IPO9: variants seen among roughly 807,000 people sequenced by gnomAD.
IPO9 encodes the protein importin-9.
A neutral mutation model predicts 128.6 loss-of-function variants in IPO9; 28 were observed. That is an observed-to-expected ratio of 0.22 (90% CI 0.16 to 0.30). The LOEUF is 0.30. IPO9 is among the 10% of genes least tolerant of loss of function. IPO9 has a pLI of 1.00. For missense variants in IPO9, 935 were observed against 1,293.9 expected, an observed-to-expected ratio of 0.72 and a Z score of 4.26; for synonymous variants, 455 against 475.8, an observed-to-expected ratio of 0.96 and a Z score of 0.57.
intron 1 of IPO9, among the ~76,000 whole-genome samples, chr1:201,843,325 C>T (rs562588970): frequency 6.6e-6 from 1 of 152,302 alleles, no homozygotes; most frequent in South Asian, 2.1e-4. Context: ...AGGAATCATT[C>T]CTGCTTCCAG....
intron 18 of IPO9, 43 bp from the exon 19 acceptor site, chr1:201,871,118 T>C (rs368466499): frequency 6.3e-7 from 1 of 1,595,104 alleles, no homozygotes; most frequent in Non-Finnish European, 8.6e-7. Context: ...CCTATGTCTC[T>C]GAAATTGATT....
chr1:201,869,515 C>T, intron 16 of IPO9, 75 bp from the exon 17 acceptor site: 6 of 1,561,156 alleles, frequency 3.8e-6, no homozygotes, highest in Non-Finnish European at 4.3e-6. Flanking sequence ...AATACCCATC[C>T]AGTAAGGATC....
intron 1 of IPO9, among the ~76,000 whole-genome samples, chr1:201,831,837 C>T (rs907830969): frequency 2.6e-5 from 4 of 152,196 alleles, no homozygotes; most frequent in African/African-American, 7.2e-5. Flanking sequence ...TTCTTGCAAA[C>T]TACTTTCCAC....
Position 201,870,783 on chromosome 1 carries a change from C to T in IPO9, c.2334C>T (p.Leu778=), listed in dbSNP as rs776549234. The part of the protein sequence containing the change: ...STLISKAGRE[L]GENLDQILRA... ...TCATCTCCAAGGCAGGGCGGGAACT[C>T]GGGGAGAATCTAGACCAGATTCTTC... The change falls in exon 18 of 24, where the codon CTC becomes CTT. Residue 778 remains leucine (L), a synonymous_variant. Coordinates refer to ENST00000361565, the MANE Select transcript of IPO9 (RefSeq NM_018085.5). This position sits in a 1 kb window ranked among gnomAD's most constrained non-coding sequence, Gnocchi z 4.9. 17 of 1,613,910 alleles carry T rather than the reference C, an allele frequency of 1.1e-5. No individual in the cohort carries two copies. The highest frequency in any genetic ancestry group is 6.7e-5 in the Admixed American group (4 of 59,988).
chr1:201,869,461 G>T, intron 16 of IPO9, 129 bp from the exon 17 acceptor site: 1 of 1,091,832 alleles, frequency 9.2e-7, no homozygotes, highest in African/African-American at 1.6e-5. Flanking sequence ...CTTTTATTTT[G>T]GAAACTTGCC....
intron 1 of IPO9, among the ~76,000 whole-genome samples, chr1:201,845,031 G>GC (rs1558217373): frequency 6.6e-6 from 1 of 151,144 alleles, no homozygotes; most frequent in African/African-American, 2.4e-5. Context: ...TGGGAGGGGG[G>GC]GGCGTACAGA....
chr1:201,870,976 A>G lies in IPO9; in HGVS notation c.2409+118A>G. On this transcript the variant is annotated intron_variant, in intron 18 of 23. Transcript: ENST00000361565. The surrounding 1 kb of genome is among the most constrained non-coding windows in gnomAD (Gnocchi z 4.9). Reference sequence around the variant, plus strand: ...TACTAGCCTTGTAGGACAGTTAAGTAAAATGGGACCTGTCTGATCTGTTTG... The same window carrying G: ...TACTAGCCTTGTAGGACAGTTAAGTGAAATGGGACCTGTCTGATCTGTTTG... The G allele has an allele frequency of 7.4e-7, 1 of 1,348,052 alleles. No homozygotes were observed. Among genetic ancestry groups the G allele is most frequent in the Non-Finnish European group, 1.0e-6 (1 of 995,966 alleles). 83.5% of individuals were successfully genotyped at this position (1,348,052 alleles called of 1,614,324 possible).
intron 23 of IPO9, among the ~76,000 whole-genome samples, chr1:201,875,571 C>G (rs1284963049): frequency 1.4e-5 from 2 of 141,906 alleles, no homozygotes; most frequent in Non-Finnish European, 3.0e-5. Flanking sequence ...GCCTGGGCGA[C>G]AAAGCAAGAC....
intron 1 of IPO9, among the ~76,000 whole-genome samples, chr1:201,841,368 A>G (rs1302820516): frequency 6.6e-6 from 1 of 152,250 alleles, no homozygotes; most frequent in East Asian, 1.9e-4. Flanking sequence ...ATAGATGATG[A>G]GAGCCAAGTG....
chr1:201,874,775 G>A, intron 21 of IPO9, 57 bp from the exon 22 acceptor site: 1 of 1,209,100 alleles, frequency 8.3e-7, no homozygotes, highest in South Asian at 1.2e-5. Context: ...ATTTGGATTT[G>A]GGGAGGGAAA....
chr1:201,859,091 A>G, intron 13 of IPO9, 97 bp downstream of exon 13: 1 of 1,250,346 alleles, frequency 8.0e-7, no homozygotes, highest in Non-Finnish European at 1.1e-6. Flanking sequence ...GATGTAAGTG[A>G]CAAGTTAATG....
chr1:201,839,579 A>AG (rs937415571), intron 1 of IPO9, among the ~76,000 whole-genome samples: 2 of 151,198 alleles, frequency 1.3e-5, no homozygotes, highest in Non-Finnish European at 2.9e-5. Flanking sequence ...AAAAAAAAAA[A>AG]AAAAAGTGCT....
At chr1:201,875,096 A>AG in intron 22 of IPO9, 56 bp from the exon 23 acceptor site, 1 of 1,519,294 alleles carries the variant, frequency 6.6e-7, no homozygotes, top group African/African-American at 1.4e-5. Context: ...ATCACCACTC[A>AG]GGGCCTGATC....
chr1:201,830,701 A>G (rs1045114225), intron 1 of IPO9, among the ~76,000 whole-genome samples: 1 of 152,204 alleles, frequency 6.6e-6, no homozygotes, highest in Non-Finnish European at 1.5e-5. Flanking sequence ...ATGAGGAAGG[A>G]AGAGTGACAA....
chr1:201,862,008 C>G (rs1428124243), intron 13 of IPO9, among the ~76,000 whole-genome samples: 1 of 152,028 alleles, frequency 6.6e-6, no homozygotes, highest in Admixed American at 6.6e-5. Flanking sequence ...AGTTTGGAAA[C>G]CATAAAGGGA....
intron 16 of IPO9, among the ~76,000 whole-genome samples, chr1:201,869,382 C>T (rs945000407): frequency 6.6e-6 from 1 of 152,180 alleles, no homozygotes; most frequent in African/African-American, 2.4e-5. Flanking sequence ...GTACTACTGC[C>T]CACCCCTATG....
rs776802416 is a variant in IPO9 at position 201,870,588 on chromosome 1, C to T, written c.2139C>T (p.Gly713=). The change falls in exon 18 of 24, where the codon GGC becomes GGT. Residue 713 remains glycine, a synonymous_variant. Coordinates refer to ENST00000361565, the MANE Select transcript of IPO9 (RefSeq NM_018085.5). This position sits in a 1 kb window ranked among gnomAD's most constrained non-coding sequence, Gnocchi z 4.9. Reference sequence around the variant, plus strand: ...TGCCACCCCTGTCTCCCCAGAATGGCGGAGAGTGCTTGCGGGCCTATGTGT... The same window carrying T: ...TGCCACCCCTGTCTCCCCAGAATGGTGGAGAGTGCTTGCGGGCCTATGTGT... ...HTDDNATMQN[G]GECLRAYVSV... 76 of 1,612,388 alleles carry T rather than the reference C, an allele frequency of 4.7e-5. No homozygotes were observed. Among genetic ancestry groups the T allele is most frequent in the Non-Finnish European group, 5.6e-5 (66 of 1,178,810 alleles).
rs1383224531 is a variant in IPO9 at position 201,879,358 on chromosome 1, GACC to G, written c.*3307_*3309del. The stretch of plus-strand genomic sequence containing the variant: ...TAGACAGACAGAGAAGTTGGTAACT[GACC>G]ACTAACTAACAAACTATAAATTCAC... On this transcript the variant is annotated 3_prime_UTR_variant, in exon 24 of 24. Coordinates refer to ENST00000361565, the MANE Select transcript of IPO9 (RefSeq NM_018085.5). 1 of 152,212 alleles carries G rather than the reference GACC, an allele frequency of 6.6e-6. No individual in the cohort carries two copies. The highest frequency in any genetic ancestry group is 1.9e-4 in the East Asian group (1 of 5,196). The allele number at this position is 152,212 out of a possible 1,614,324, so 9.4% of individuals were successfully genotyped here.
chr1:201,847,510 AATCTTT>A (rs2102874390), intron 2 of IPO9, 36 bp from the exon 3 acceptor site: 12 of 1,293,378 alleles, frequency 9.3e-6, no homozygotes, highest in Non-Finnish European at 1.3e-5. Context: ...GTGTGAAAAA[AATCTTT>A]TTCTTGCTGT....
Sources: gnomAD v4.1 joint callset for allele counts (sites outside exome capture counted in the v4.1 genomes callset) on GRCh38, gnomAD v4.1.1 for gene constraint, Gnocchi (gnomAD v3.1) non-coding constraint, MANE v1.5 for transcripts, NCBI Gene and HGNC (gene_info 2026-07-23, HGNC 2026-07-21) for gene names.